The following RMDN1 variants were observed in gnomAD, a reference collection of about 807,000 sequenced individuals.
RMDN1 encodes the protein regulator of microtubule dynamics protein 1.
In RMDN1, 48 loss-of-function variants were observed where a neutral mutation model predicts 48.9. The ratio of observed to expected loss-of-function variants is 0.98; its 90% CI spans 0.78 to 1.25. The LOEUF is 1.25. Ranked by LOEUF, RMDN1 falls within the 50% of genes most tolerant of loss-of-function variation. RMDN1 has a pLI of 0.00. For synonymous variants in RMDN1, 148 were observed against 132.6 expected (o/e 1.12, Z -0.80); for missense variants, 418 against 373.4 (o/e 1.12, Z -0.98).
At position 86,473,972 on chromosome 8, in the gene RMDN1, G is replaced by T. The variant is rs553885440; in HGVS notation, c.*336C>A. The T allele has an allele frequency of 2.4e-3, 2,576 of 1,061,972 alleles. 4 individuals are homozygous for T. Among genetic ancestry groups the T allele is most frequent in the Non-Finnish European group, 2.7e-3 (2,409 of 878,400 alleles). 65.8% of individuals were successfully genotyped at this position (1,061,972 alleles called of 1,614,324 possible). On this transcript the variant is annotated 3_prime_UTR_variant, in exon 10 of 10. Transcript: ENST00000406452. Reference sequence around the variant, plus strand: ...TCCATCCCCCTGTATATCCCCTATAGATCCATTTCCCCTCCTCTACAAATA... The same window carrying T: ...TCCATCCCCCTGTATATCCCCTATATATCCATTTCCCCTCCTCTACAAATA...
At position 86,488,719 on chromosome 8, in the gene RMDN1, A is replaced by G. The variant is rs1028343696; in HGVS notation, c.248-80T>C. On this transcript the variant is annotated intron_variant, in intron 2 of 9. Coordinates refer to ENST00000406452, the MANE Select transcript of RMDN1 (RefSeq NM_016033.3). ...ATGACAATAATTCAAAGAAACTTAAACACTTTTATATATAAGCAAATGAAA... is the reference window on the plus strand; with the variant it reads ...ATGACAATAATTCAAAGAAACTTAAGCACTTTTATATATAAGCAAATGAAA... 1.8e-5 allele frequency: 16 copies of G among 887,408 alleles called. No individual in the cohort carries two copies. In the African/African-American group the frequency reaches 2.6e-4, roughly 14 times the overall value. 55.0% of individuals were successfully genotyped at this position (887,408 alleles called of 1,614,324 possible).
Position 86,473,782 on chromosome 8 carries a change from A to T in RMDN1, c.*526T>A. 1 of 975,388 alleles carries T rather than the reference A, an allele frequency of 1.0e-6. No individual in the cohort carries two copies. Among genetic ancestry groups the T allele is most frequent in the Non-Finnish European group, 1.2e-6 (1 of 820,796 alleles). 60.4% of individuals were successfully genotyped at this position (975,388 alleles called of 1,614,324 possible). On this transcript the variant is annotated 3_prime_UTR_variant, in exon 10 of 10. Transcript: ENST00000406452. Reference sequence around the variant, plus strand: ...CTCTGTCTCAAAAAAATAAAAAAGGAAACTACTCCATTTTTAGTCATCTCC... The same window carrying T: ...CTCTGTCTCAAAAAAATAAAAAAGGTAACTACTCCATTTTTAGTCATCTCC...
intron 2 of RMDN1, chr8:86,504,326 G>A (rs1818905988): frequency 6.3e-7 from 1 of 1,579,340 alleles, no homozygotes. Context: ...GAGAGTGCAA[G>A]GATGTCACAA....
Position 86,478,554 on chromosome 8 carries a change from GCTTTA to G in RMDN1, c.729+364_729+368del, listed in dbSNP as rs1487693024. On this transcript the variant is annotated intron_variant, in intron 7 of 9. Coordinates refer to ENST00000406452, the MANE Select transcript of RMDN1 (RefSeq NM_016033.3). ...TCTTCTTTTATCAACTTAAGCATCT[GCTTTA>G]CTTTTCTGTTATTGTGTGTAATACA... The G allele has an allele frequency of 3.5e-5, 6 of 172,670 alleles. No individual in the cohort carries two copies. In the South Asian group the frequency reaches 4.6e-4, roughly 13 times the overall value. 10.7% of individuals were successfully genotyped at this position (172,670 alleles called of 1,614,324 possible).
At chr8:86,508,858 C>G (rs1451533651), upstream of RMDN1, 1 of 1,201,210 alleles carries the variant, frequency 8.3e-7, no homozygotes. Context: ...GCGTCCAGGA[C>G]TGAGGCCGTG....
intron 5 of RMDN1, chr8:86,482,545 A>G (rs970678511): frequency 1.4e-6 from 1 of 726,432 alleles, no homozygotes; most frequent in South Asian, 1.4e-5. Flanking sequence ...AGTGAATGTC[A>G]TCTTCTTGCC....
intron 8 of RMDN1, among the ~76,000 whole-genome samples, chr8:86,475,395 A>G (rs1189396952): frequency 6.6e-6 from 1 of 152,200 alleles, no homozygotes; most frequent in Non-Finnish European, 1.5e-5. Flanking sequence ...TGACATATAT[A>G]TATTTGATCA....
At chr8:86,470,134 AAAGG>A (rs1376149921), downstream of RMDN1, 257 of 1,274,482 alleles carry the variant, frequency 2.0e-4, no homozygotes, top group Non-Finnish European at 2.4e-4. Flanking sequence ...CATATCCTCA[AAAGG>A]AAGGAAGGAA....
chr8:86,477,593 G>A (rs909633839), intron 7 of RMDN1: 4 of 327,400 alleles, frequency 1.2e-5, no homozygotes, highest in Non-Finnish European at 1.7e-5. Context: ...GTGCAGAAAG[G>A]AAAGAACATT....
chr8:86,508,471 G>A (rs1251411045), intron 1 of RMDN1, 21 bp downstream of exon 1: 19 of 1,538,864 alleles, frequency 1.2e-5, no homozygotes, highest in Non-Finnish European at 1.6e-5. Context: ...TGAGGAGCGG[G>A]AGCCAGGACC....
At chr8:86,514,149 C>T (rs983036547) in intron 1 of RMDN1, 1 of 552,028 alleles carries the variant, frequency 1.8e-6, no homozygotes, top group Admixed American at 6.4e-5. Context: ...CCACTGCGCC[C>T]AGTCTTCTCA....
chr8:86,475,744 CATTT>C (rs1813265073), intron 8 of RMDN1, among the ~76,000 whole-genome samples: 1 of 152,176 alleles, frequency 6.6e-6, no homozygotes, highest in Admixed American at 6.5e-5. Flanking sequence ...TGATTAACTC[CATTT>C]GCTCCTTAAC....
At chr8:86,484,069 C>T (rs369148299) in intron 5 of RMDN1, among the ~76,000 whole-genome samples, 6 of 152,272 alleles carry the variant, frequency 3.9e-5, no homozygotes, top group African/African-American at 1.4e-4. Context: ...TATTCAGGAA[C>T]TTGTGTCAAT....
Position 86,486,726 on chromosome 8 carries a change from T to C in RMDN1, c.336-83A>G, listed in dbSNP as rs1016150383. On this transcript the variant is annotated intron_variant, in intron 3 of 9. Coordinates refer to ENST00000406452, the MANE Select transcript of RMDN1 (RefSeq NM_016033.3). ...GGTTACATTACTAATGAATACATTA[T>C]GGTCTTTCAGCTTAGGAAGCTAGCA... 51 of 1,049,164 alleles carry C rather than the reference T, an allele frequency of 4.9e-5. No homozygotes were observed. In the African/African-American group the frequency reaches 6.9e-4, roughly 14 times the overall value. 65.0% of individuals were successfully genotyped at this position (1,049,164 alleles called of 1,614,324 possible).
chr8:86,504,072 AAT>A, intron 2 of RMDN1: 1 of 916,014 alleles, frequency 1.1e-6, no homozygotes, highest in Non-Finnish European at 1.8e-6. Flanking sequence ...TCATTGTCAG[AAT>A]TCTGGTGGCC....
chr8:86,484,544 C>T (rs559908289), intron 5 of RMDN1: 272 of 166,756 alleles, frequency 1.6e-3, no homozygotes, highest in Non-Finnish European at 2.8e-3. Flanking sequence ...ATGGTGAAAC[C>T]ACACCTCTAC....
intron 1 of RMDN1, chr8:86,514,221 T>C (rs1586819764): frequency 1.0e-6 from 1 of 979,524 alleles, no homozygotes; most frequent in East Asian, 1.1e-4. Context: ...GGAATTTATT[T>C]TGGTGCACCA....
intron 2 of RMDN1, chr8:86,503,823 T>G (rs1457127032): frequency 1.8e-6 from 1 of 553,102 alleles, no homozygotes; most frequent in Non-Finnish European, 3.5e-6. Flanking sequence ...TCCGTTAGAC[T>G]CTTTATCAAC....
intron 2 of RMDN1, among the ~76,000 whole-genome samples, chr8:86,500,988 C>T (rs983512220): frequency 6.6e-6 from 1 of 152,134 alleles, no homozygotes; most frequent in African/African-American, 2.4e-5. Context: ...TAACTGGGCA[C>T]TAAACACTGA....
Sources: allele counts gnomAD v4.1 joint callset (sites outside exome capture counted in the v4.1 genomes callset), GRCh38; gene constraint gnomAD v4.1.1; transcripts MANE v1.5; gene names NCBI Gene and HGNC (gene_info 2026-07-23, HGNC 2026-07-21).